The following CCDC152 variants were observed in gnomAD, a reference collection of about 807,000 sequenced individuals.
The protein encoded by CCDC152 is coiled-coil domain-containing protein 152.
Under a neutral mutation model 38.1 loss-of-function variants are expected in CCDC152, and 37 were observed. The ratio of observed to expected loss-of-function variants is 0.97; its 90% CI spans 0.75 to 1.28. The LOEUF is 1.28. Among genes scored for constraint, CCDC152 ranks in the 50% most tolerant of loss-of-function variants. CCDC152 has a pLI of 0.00. For synonymous variants in CCDC152, 83 were observed against 87.1 expected, an observed-to-expected ratio of 0.95 and a Z score of 0.26; for missense variants, 259 against 292.1, an observed-to-expected ratio of 0.89 and a Z score of 0.83.
chr5:42,770,013 T>G (rs1759675794), intron 4 of CCDC152, among the ~76,000 whole-genome samples: 1 of 152,220 alleles, frequency 6.6e-6, no homozygotes, highest in Non-Finnish European at 1.5e-5. Flanking sequence ...AAACCATAAT[T>G]TTTTATTTAA....
rs531787553 is a variant in CCDC152 at position 42,779,413 on chromosome 5, G to T, written c.263-45G>T. 4.6e-6 allele frequency: 5 copies of T among 1,098,724 alleles called. No individual in the cohort carries two copies. In the East Asian group the frequency reaches 1.0e-4, roughly 23 times the overall value. 68.1% of individuals were successfully genotyped at this position (1,098,724 alleles called of 1,614,324 possible). A position where few individuals can be genotyped will look rare whatever the true frequency, so the allele number is the denominator to read the frequency against. On this transcript the variant is annotated intron_variant, in intron 4 of 8. Transcript: ENST00000361970. ...TGTTGAACATATTTTCATATTAATT[G>T]AAAAGTGCTATATATTATGATGTTC... is the stretch of plus-strand genomic sequence containing the variant.
intron 4 of CCDC152, among the ~76,000 whole-genome samples, chr5:42,776,520 A>T (rs186861487): frequency 5.6e-4 from 86 of 152,312 alleles, no homozygotes; most frequent in African/African-American, 2.0e-3. Context: ...CTATCAGAAA[A>T]TCAGTAAGGA....
At chr5:42,775,256 A>C (rs1245057281) in intron 4 of CCDC152, among the ~76,000 whole-genome samples, 5 of 152,126 alleles carry the variant, frequency 3.3e-5, no homozygotes, top group Admixed American at 3.3e-4. Context: ...TGCTCAAAAA[A>C]CTACCCATAG....
At chr5:42,773,327 A>G (rs114935849) in intron 4 of CCDC152, among the ~76,000 whole-genome samples, 5,296 of 152,256 alleles carry the variant, frequency 0.035, 131 homozygotes, top group Middle Eastern at 0.075. Flanking sequence ...AAAAATTGCA[A>G]TTCTTATTTA....
intron 1 of CCDC152, 31 bp from the exon 2 acceptor site, chr5:42,759,089 T>G: frequency 7.2e-7 from 1 of 1,383,240 alleles, no homozygotes; most frequent in Non-Finnish European, 1.0e-6. Context: ...TATTTATTTA[T>G]TTAACACTAT....
intron 3 of CCDC152, among the ~76,000 whole-genome samples, chr5:42,767,417 G>C (rs1448664319): frequency 6.6e-6 from 1 of 151,878 alleles, no homozygotes; most frequent in East Asian, 1.9e-4. Flanking sequence ...TCATATTTTT[G>C]GTTAATCTTA....
In CCDC152 at chr5:42,764,129, C is replaced by T. The variant is rs143882891; in HGVS notation, c.193+1581C>T. Among the ~76,000 whole-genome samples the T allele has an allele frequency of 6.3e-4, 96 of 152,112 alleles. 2 individuals carry two copies. In the East Asian group the frequency reaches 0.017, roughly 27 times the overall value. On this transcript the variant is annotated intron_variant, in intron 3 of 8. Coordinates refer to ENST00000361970, the MANE Select transcript of CCDC152 (RefSeq NM_001134848.2). ...TGATCCACTATTATTAACTAAATTT[C>T]GACCAGGCATGGTGGCTCACACCTG...
chr5:42,774,820 G>A (rs1171638540), intron 4 of CCDC152, among the ~76,000 whole-genome samples: 1 of 152,066 alleles, frequency 6.6e-6, no homozygotes, highest in African/African-American at 2.4e-5. Context: ...GAAATGGCAG[G>A]GATATTGGAA....
intron 4 of CCDC152, among the ~76,000 whole-genome samples, chr5:42,771,673 A>G (rs1051827689): frequency 2.6e-5 from 4 of 152,156 alleles, no homozygotes; most frequent in African/African-American, 9.7e-5. Context: ...AACCTAGAAG[A>G]AATAGTCAAA....
intron 7 of CCDC152, among the ~76,000 whole-genome samples, chr5:42,798,077 G>T (rs1760100932): frequency 6.6e-6 from 1 of 152,108 alleles, no homozygotes; most frequent in Admixed American, 6.6e-5. Flanking sequence ...CTTGAACCCG[G>T]GAGGCAGACT....
chr5:42,790,221 C>A (rs972821453), intron 6 of CCDC152, among the ~76,000 whole-genome samples: 3 of 152,146 alleles, frequency 2.0e-5, no homozygotes, highest in African/African-American at 7.2e-5. Context: ...CTGTAAATCC[C>A]AGCACTTTGG....
intron 6 of CCDC152, among the ~76,000 whole-genome samples, chr5:42,785,520 T>G (rs1759906702): frequency 6.6e-6 from 1 of 152,046 alleles, no homozygotes; most frequent in Non-Finnish European, 1.5e-5. Flanking sequence ...GTGTAGAATC[T>G]TTTAGATGAA....
intron 5 of CCDC152, among the ~76,000 whole-genome samples, chr5:42,782,912 G>T (rs1212197749): frequency 6.6e-6 from 1 of 151,626 alleles, no homozygotes; most frequent in Non-Finnish European, 1.5e-5. Flanking sequence ...TGTCCCCCAG[G>T]CTGGAGTGCA....
At chr5:42,766,340 A>T (rs768714858) in intron 3 of CCDC152, among the ~76,000 whole-genome samples, 1 of 152,150 alleles carries the variant, frequency 6.6e-6, no homozygotes, top group Admixed American at 6.5e-5. Context: ...TACAATCACT[A>T]TGAAGAACAG....
rs575121728 is a variant in CCDC152 at position 42,772,954 on chromosome 5, G to C, written c.262+3289G>C. Among the ~76,000 whole-genome samples the C allele has an allele frequency of 2.0e-5, 3 of 152,156 alleles. No individual in the cohort carries two copies. The South Asian group carries it at 6.2e-4, about 32-fold the overall frequency. On this transcript the variant is annotated intron_variant, in intron 4 of 8. Coordinates refer to ENST00000361970, the MANE Select transcript of CCDC152 (RefSeq NM_001134848.2). Reference sequence around the variant, plus strand: ...CATTCACTTAACCATATGCCTCAGGGGAAGCTGATCGCATCCAAGCTCCAA... The same window carrying C: ...CATTCACTTAACCATATGCCTCAGGCGAAGCTGATCGCATCCAAGCTCCAA...
At chr5:42,769,760 A>G (rs544603457) in intron 4 of CCDC152, 95 bp downstream of exon 4, 7 of 1,329,434 alleles carry the variant, frequency 5.3e-6, no homozygotes, top group South Asian at 1.6e-5. Flanking sequence ...ATAAATTTCA[A>G]TTTGTCAGCT....
chr5:42,761,343 G>A (rs1429587015), intron 2 of CCDC152, among the ~76,000 whole-genome samples: 1 of 152,176 alleles, frequency 6.6e-6, no homozygotes, highest in Non-Finnish European at 1.5e-5. Flanking sequence ...GGCCAGGTGC[G>A]GTAGCTCACG....
chr5:42,775,322 G>A (rs905790541), intron 4 of CCDC152, among the ~76,000 whole-genome samples: 20 of 152,082 alleles, frequency 1.3e-4, no homozygotes, highest in Non-Finnish European at 2.1e-4. Context: ...TTTGAAACAA[G>A]TGAGGAAAAT....
chr5:42,796,741 G>A, intron 6 of CCDC152, 88 bp from the exon 7 acceptor site: 1 of 893,626 alleles, frequency 1.1e-6, no homozygotes, highest in Non-Finnish European at 1.6e-6. Context: ...TACTTTTTTA[G>A]GAATGATTTA....
Sources: gnomAD v4.1 joint callset for allele counts (sites outside exome capture counted in the v4.1 genomes callset) on GRCh38, gnomAD v4.1.1 for gene constraint, MANE v1.5 for transcripts, NCBI Gene and HGNC (gene_info 2026-07-23, HGNC 2026-07-21) for gene names.